The following SLIT2 variants were observed in gnomAD, a reference collection of about 807,000 sequenced individuals.
The protein encoded by SLIT2 is slit homolog 2 protein.
A neutral mutation model predicts 185.7 loss-of-function variants in SLIT2; 41 were observed. That is an observed-to-expected ratio of 0.22 (90% CI 0.17 to 0.29). The LOEUF is 0.29. Ranked by LOEUF, SLIT2 falls within the 10% of genes least tolerant of loss-of-function variation. The pLI is 1.00. For missense variants in SLIT2, 1,571 were observed against 1,909.0 expected (o/e 0.82, Z 3.30); for synonymous variants, 693 against 680.2 (o/e 1.02, Z -0.29).
At chr4:20,330,144 C>T (rs111227083) in intron 4 of SLIT2, among the ~76,000 whole-genome samples, 1 of 151,974 alleles carries the variant, frequency 6.6e-6, no homozygotes, top group East Asian at 1.9e-4. Context: ...GTTGATTGTG[C>T]AAATCTAGCT....
At chr4:20,543,066 A>T (rs979441253) in intron 21 of SLIT2, among the ~76,000 whole-genome samples, 1 of 152,044 alleles carries the variant, frequency 6.6e-6, no homozygotes, top group Non-Finnish European at 1.5e-5. Context: ...GATATTCTGT[A>T]CAGGAAACTT....
At chr4:20,514,486 C>G (rs1053258087) in intron 11 of SLIT2, among the ~76,000 whole-genome samples, 1 of 151,884 alleles carries the variant, frequency 6.6e-6, no homozygotes, top group Admixed American at 6.6e-5. Flanking sequence ...ACTGAAAATA[C>G]AAAAATTAGT....
At chr4:20,320,143 T>G (rs1718938753) in intron 4 of SLIT2, among the ~76,000 whole-genome samples, 1 of 152,128 alleles carries the variant, frequency 6.6e-6, no homozygotes, top group South Asian at 2.1e-4. Flanking sequence ...TAGGGGAAAA[T>G]CTACAGATAA....
intron 9 of SLIT2, among the ~76,000 whole-genome samples, chr4:20,496,882 G>T (rs1239673395): frequency 6.6e-6 from 1 of 152,052 alleles, no homozygotes; most frequent in Non-Finnish European, 1.5e-5. Flanking sequence ...AGAACCAGAG[G>T]AACAGCCTAT....
At chr4:20,544,433 T>C (rs540146) in intron 21 of SLIT2, among the ~76,000 whole-genome samples, 45,192 of 152,064 alleles carry the variant, frequency 0.3, 7,084 homozygotes, top group Non-Finnish European at 0.32. Context: ...ATCTACAGCA[T>C]ATTTCAACTA....
intron 4 of SLIT2, among the ~76,000 whole-genome samples, chr4:20,400,229 C>G (rs1726234567): frequency 6.6e-6 from 1 of 151,492 alleles, no homozygotes; most frequent in Non-Finnish European, 1.5e-5. Context: ...CTGATATGGT[C>G]AGAGTATGAT....
intron 4 of SLIT2, among the ~76,000 whole-genome samples, chr4:20,311,934 C>T (rs1448153127): frequency 6.6e-6 from 1 of 152,142 alleles, no homozygotes; most frequent in Non-Finnish European, 1.5e-5. Context: ...GAATTGTTTA[C>T]TGCTGTAAGC....
intron 8 of SLIT2, among the ~76,000 whole-genome samples, chr4:20,489,241 G>A (rs929572700): frequency 1.3e-5 from 2 of 152,046 alleles, no homozygotes; most frequent in African/African-American, 4.8e-5. Context: ...ATGGAAAATC[G>A]CTAAATGATG....
intron 4 of SLIT2, among the ~76,000 whole-genome samples, chr4:20,411,996 G>A (rs1377158409): frequency 6.6e-6 from 1 of 152,120 alleles, no homozygotes; most frequent in Admixed American, 6.5e-5. Flanking sequence ...TCATACAACT[G>A]AGAGTTGTGA....
intron 3 of SLIT2, among the ~76,000 whole-genome samples, chr4:20,267,111 A>G (rs1310527647): frequency 6.6e-6 from 1 of 151,998 alleles, no homozygotes; most frequent in Admixed American, 6.6e-5. Flanking sequence ...CCACTGTTGC[A>G]AATATGTGTA....
At chr4:20,417,420 A>G (rs1727766249) in intron 4 of SLIT2, among the ~76,000 whole-genome samples, 1 of 133,088 alleles carries the variant, frequency 7.5e-6, no homozygotes, top group Admixed American at 7.9e-5. Flanking sequence ...CCGCAATCAT[A>G]TATATATGTG....
rs1716977653 is a variant in SLIT2 at position 20,484,160 on chromosome 4, C to G, written c.540-2040C>G. Reference sequence around the variant, plus strand: ...AGTTCAAAATTAATGCATGTCTGCTCTCTGTGTAGTACTTAAAACAATTTA... The same window carrying G: ...AGTTCAAAATTAATGCATGTCTGCTGTCTGTGTAGTACTTAAAACAATTTA... On this transcript the variant is annotated intron_variant, in intron 6 of 36. Coordinates refer to ENST00000504154, the MANE Select transcript of SLIT2 (RefSeq NM_004787.4). The surrounding 1 kb of genome is among the most constrained non-coding windows in gnomAD (Gnocchi z 4.3). Among the ~76,000 whole-genome samples the G allele has an allele frequency of 6.6e-6, 1 of 152,144 alleles. No individual in the cohort carries two copies. Among genetic ancestry groups the G allele is most frequent in the African/African-American group, 2.4e-5 (1 of 41,532 alleles).
chr4:20,541,541 C>A lies in SLIT2; in HGVS notation c.2065C>A (p.Pro689Thr), dbSNP rs933505721. The A allele has an allele frequency of 4.3e-6, 7 of 1,613,856 alleles. No individual in the cohort carries two copies. The highest frequency in any genetic ancestry group is 3.3e-5 in the Admixed American group (2 of 59,996). The change falls in exon 20 of 37, where the codon CCT (proline) becomes ACT (threonine). Residue 689 changes from proline (P) to threonine (T), a missense_variant. Transcript: ENST00000504154. The stretch of plus-strand genomic sequence containing the variant: ...AAAGAAGAGAATTGTCACGGGAAAT[C>A]CTAGATGTCAAAAACCATACTTCCT... ...LRKKRIVTGN[P>T]RCQKPYFLKE...
At chr4:20,453,242 C>G (rs533392341) in intron 4 of SLIT2, among the ~76,000 whole-genome samples, 1 of 152,088 alleles carries the variant, frequency 6.6e-6, no homozygotes, top group Non-Finnish European at 1.5e-5. Flanking sequence ...TAAGATGTAT[C>G]TTAAAATAGC....
At chr4:20,557,772 G>C (rs546002609) in intron 26 of SLIT2, among the ~76,000 whole-genome samples, 1 of 152,076 alleles carries the variant, frequency 6.6e-6, no homozygotes, top group South Asian at 2.1e-4. Context: ...AAATCCTTCT[G>C]GAAAAGATTC....
chr4:20,369,314 T>C (rs61789393), intron 4 of SLIT2, among the ~76,000 whole-genome samples: 4,021 of 152,134 alleles, frequency 0.026, 75 homozygotes, highest in South Asian at 0.057. Flanking sequence ...TGCTCATACA[T>C]GCTGTTGAGG....
chr4:20,255,374 T>C (rs1711705223), intron 1 of SLIT2, among the ~76,000 whole-genome samples: 1 of 152,226 alleles, frequency 6.6e-6, no homozygotes, highest in Non-Finnish European at 1.5e-5. Context: ...TAGGTTACCC[T>C]TACTCCTTTC....
intron 4 of SLIT2, among the ~76,000 whole-genome samples, chr4:20,327,641 T>C (rs913314597): frequency 5.9e-5 from 9 of 151,988 alleles, no homozygotes; most frequent in African/African-American, 2.2e-4. Context: ...CACTGGAAAA[T>C]AGAATTATTT....
At chr4:20,450,557 T>G (rs770767491) in intron 4 of SLIT2, among the ~76,000 whole-genome samples, 3 of 152,122 alleles carry the variant, frequency 2.0e-5, no homozygotes, top group Non-Finnish European at 4.4e-5. Flanking sequence ...CCATATCCTA[T>G]TTTTAAAGAT....
Sources: allele counts gnomAD v4.1 joint callset (sites outside exome capture counted in the v4.1 genomes callset), GRCh38; gene constraint gnomAD v4.1.1; non-coding constraint Gnocchi (gnomAD v3.1); transcripts MANE v1.5; gene names NCBI Gene and HGNC (gene_info 2026-07-23, HGNC 2026-07-21).